The following LGI3 variants were observed in gnomAD, a reference collection of about 807,000 sequenced individuals.
The protein encoded by LGI3 is leucine rich repeat LGI family member 3.
Under a neutral mutation model 55.4 loss-of-function variants are expected in LGI3, and 47 were observed. The ratio of observed to expected loss-of-function variants is 0.85; its 90% confidence interval spans 0.67 to 1.08. The LOEUF (loss-of-function observed/expected upper bound fraction) is 1.08. Among genes scored for constraint, LGI3 ranks in the 50% least tolerant of loss-of-function variants. LGI3 has a pLI of 0.00. For missense variants in LGI3, 664 were observed against 726.3 expected (o/e 0.91, Z 0.99); for synonymous variants, 326 against 315.0 (o/e 1.04, Z -0.37).
chr8:22,150,604 C>T (rs1315870299), intron 7 of LGI3, among the ~76,000 whole-genome samples: 2 of 152,054 alleles, frequency 1.3e-5, no homozygotes, highest in East Asian at 1.9e-4. Flanking sequence ...GTGATCCACC[C>T]GCCTCGGCCT....
intron 5 of LGI3, 76 bp from the exon 6 acceptor site, chr8:22,152,076 G>A: frequency 7.9e-7 from 1 of 1,271,852 alleles, no homozygotes; most frequent in East Asian, 2.4e-5. Context: ...GGCCCTCCAG[G>A]TTTTCAGAAA....
In LGI3 at chr8:22,148,182, A is replaced by G. The variant is rs1326452148; in HGVS notation, c.1625T>C (p.Ile542Thr). 7 of 1,607,012 alleles carry G rather than the reference A, an allele frequency of 4.4e-6. No homozygotes were observed. The highest frequency in any genetic ancestry group is 5.1e-6 in the Non-Finnish European group (6 of 1,176,924). ...CCCCTAGGCACTGAGATCCACCACA[A>G]TGTGTCTATACACCAGCGTCTGTCC... is the stretch of plus-strand genomic sequence containing the variant. ...FKGQTLVYRH[I>T]VVDLSA The change falls in exon 8 of 8, where the codon ATT becomes ACT. Residue 542 changes from isoleucine (I) to threonine (T), a missense_variant. By Grantham distance (89) the Ile-to-Thr change is moderately conservative (BLOSUM62 -1). Transcript: ENST00000306317. The surrounding 1 kb of genome is among the most constrained non-coding windows in gnomAD (Gnocchi z 7.0).
rs1411213778 is a variant in LGI3 at position 22,156,727 on chromosome 8, G to A, written c.-185C>T. The A allele has an allele frequency of 4.7e-6, 1 of 214,482 alleles. No individual in the cohort carries two copies. Among genetic ancestry groups the A allele is most frequent in the Non-Finnish European group, 9.0e-6 (1 of 110,562 alleles). The allele number at this position is 214,482 out of a possible 1,614,324, so 13.3% of individuals were successfully genotyped here. A position where few individuals can be genotyped will look rare whatever the true frequency, so the allele number is the denominator to read the frequency against. On this transcript the variant is annotated 5_prime_UTR_variant, in exon 1 of 8. Transcript: ENST00000306317. The stretch of plus-strand genomic sequence containing the variant: ...GCGGTCCCCTCCCCTGCTCGCTCCC[G>A]CGATCCGGCTCGGGAGAGAAGAGCG...
chr8:22,155,669 G>A (rs1827481765), intron 1 of LGI3, among the ~76,000 whole-genome samples: 1 of 152,194 alleles, frequency 6.6e-6, no homozygotes, highest in Non-Finnish European at 1.5e-5. Flanking sequence ...ATTGCCTCTT[G>A]GGGCACCCAT....
At chr8:22,152,771 C>A (rs1158920419) in intron 5 of LGI3, among the ~76,000 whole-genome samples, 2 of 147,724 alleles carry the variant, frequency 1.4e-5, no homozygotes, top group African/African-American at 5.0e-5. Context: ...CACATGTTGG[C>A]CGCGCACAGT....
chr8:22,149,116 T>C (rs1035489479), intron 7 of LGI3, 139 bp from the exon 8 acceptor site: 30 of 617,996 alleles, frequency 4.9e-5, no homozygotes, highest in Non-Finnish European at 7.1e-5. Flanking sequence ...CACACTGAAG[T>C]TCATCCACTA....
intron 2 of LGI3, chr8:22,155,147 C>G: frequency 1.8e-6 from 1 of 549,262 alleles, no homozygotes; most frequent in Non-Finnish European, 3.3e-6. Flanking sequence ...GCAGCCAAGC[C>G]CATCCCCGCA....
Position 22,151,498 on chromosome 8 carries a change from T to C in LGI3, c.820A>G (p.Arg274Gly). 9 of 1,613,972 alleles carry C rather than the reference T, an allele frequency of 5.6e-6. No individual in the cohort carries two copies. The highest frequency in any genetic ancestry group is 7.6e-6 in the Non-Finnish European group (9 of 1,179,954). Residue 274 changes from arginine (R) to glycine (G), a missense_variant, in exon 7 of 8, where the codon AGA (arginine) becomes GGA (glycine). Transcript: ENST00000306317. Reference sequence around the variant, plus strand: ...GATTGGGCGCAGGTACCTGGGATTCTATCATAGTCTCGAAGCTGCCGCTCA... The same window carrying C: ...GATTGGGCGCAGGTACCTGGGATTCCATCATAGTCTCGAAGCTGCCGCTCA... The part of the protein sequence containing the change: ...YVERQLRDYD[R>G]IPAPSAVHCK...
chr8:22,149,427 A>T (rs1281818106), intron 7 of LGI3, among the ~76,000 whole-genome samples: 1 of 151,466 alleles, frequency 6.6e-6, no homozygotes, highest in Admixed American at 6.6e-5. Flanking sequence ...GACTTGCCCA[A>T]AGCTACCCCA....
intron 3 of LGI3, 146 bp from the exon 4 acceptor site, chr8:22,154,359 G>C: frequency 3.7e-6 from 3 of 803,718 alleles, no homozygotes; most frequent in Non-Finnish European, 6.4e-6. Flanking sequence ...CATAGAGATA[G>C]AGCATCAGGT....
Position 22,147,832 on chromosome 8 carries a change from C to T in LGI3, c.*328G>A, listed in dbSNP as rs1426163694. 3.9e-5 allele frequency: 11 copies of T among 284,024 alleles called. No individual in the cohort carries two copies. Among genetic ancestry groups the T allele is most frequent in the Non-Finnish European group, 4.6e-5 (7 of 150,760 alleles). The allele number at this position is 284,024 out of a possible 1,614,324, so 17.6% of individuals were successfully genotyped here. A position where few individuals can be genotyped will look rare whatever the true frequency, so the allele number is the denominator to read the frequency against. ...ACAAGGACAGGAGGATGCGGCCCCCCTCGCTCCCAGCACCCCGCACCACTC... is the reference window on the plus strand; with the variant it reads ...ACAAGGACAGGAGGATGCGGCCCCCTTCGCTCCCAGCACCCCGCACCACTC... On this transcript the variant is annotated 3_prime_UTR_variant, in exon 8 of 8. Coordinates refer to ENST00000306317, the MANE Select transcript of LGI3 (RefSeq NM_139278.4).
intron 6 of LGI3, 71 bp downstream of exon 6, chr8:22,151,760 G>T: frequency 6.4e-7 from 1 of 1,565,612 alleles, no homozygotes; most frequent in Non-Finnish European, 8.7e-7. Context: ...GGGCAGGGTG[G>T]GGGGTTTCGT....
In LGI3 at chr8:22,147,817, G is replaced by A. The variant is rs55839045; in HGVS notation, c.*343C>T. The A allele has an allele frequency of 9.3e-4, 238 of 257,132 alleles. No individual in the cohort carries two copies. The highest frequency in any genetic ancestry group is 1.4e-3 in the Non-Finnish European group (192 of 133,646). The allele number at this position is 257,132 out of a possible 1,614,324, so 15.9% of individuals were successfully genotyped here. A position where few individuals can be genotyped will look rare whatever the true frequency, so the allele number is the denominator to read the frequency against. ...GGCAGAAGGAGAAGCACAAGGACAG[G>A]AGGATGCGGCCCCCCTCGCTCCCAG... On this transcript the variant is annotated 3_prime_UTR_variant, in exon 8 of 8. Transcript: ENST00000306317.
Position 22,148,694 on chromosome 8 carries a change from G to T in LGI3, c.1113C>A (p.His371Gln). The change falls in exon 8 of 8, where the codon CAC becomes CAA. Residue 371 changes from histidine to glutamine, a missense_variant. Physicochemically the swap from His to Gln is conservative, Grantham distance 24. Transcript: ENST00000306317. This position sits in a 1 kb window ranked among gnomAD's most constrained non-coding sequence, Gnocchi z 7.0. ...CCAGGTCGGTGTCACGGTGCCAGGG[G>T]TGCAGTGCCTGGTGGGAGTAGAAGC... is the stretch of plus-strand genomic sequence containing the variant. ...QNGFYSHQAL[H>Q]PWHRDTDLEF... 1.2e-6 allele frequency: 2 copies of T among 1,614,138 alleles called. No homozygotes were observed. The highest frequency in any genetic ancestry group is 1.1e-5 in the South Asian group (1 of 91,082).
Position 22,147,733 on chromosome 8 carries a change from A to G in LGI3, c.*427T>C, listed in dbSNP as rs1162552979. ...AGCATGACAGATATGGCTGTGGGCT[A>G]CAGCGGGGAGCAAGAGCAGGTAAAC... is the stretch of plus-strand genomic sequence containing the variant. On this transcript the variant is annotated 3_prime_UTR_variant, in exon 8 of 8. Coordinates refer to ENST00000306317, the MANE Select transcript of LGI3 (RefSeq NM_139278.4). The G allele has an allele frequency of 5.6e-6, 1 of 177,612 alleles. No individual in the cohort carries two copies. Among genetic ancestry groups the G allele is most frequent in the African/African-American group, 2.4e-5 (1 of 41,928 alleles). 11.0% of individuals were successfully genotyped at this position (177,612 alleles called of 1,614,324 possible).
Position 22,155,330 on chromosome 8 carries a change from G to A in LGI3, c.278+62C>T, listed in dbSNP as rs1364475777. Reference sequence around the variant, plus strand: ...GTCCACTCTCCCTCTCCCCAGCCCAGGATTTGTCCCCTGCTACCACCCCAT... The same window carrying A: ...GTCCACTCTCCCTCTCCCCAGCCCAAGATTTGTCCCCTGCTACCACCCCAT... On this transcript the variant is annotated intron_variant, in intron 2 of 7. Transcript: ENST00000306317. The A allele has an allele frequency of 2.7e-6, 4 of 1,500,546 alleles. No homozygotes were observed. In the African/African-American group the frequency reaches 4.1e-5, roughly 15 times the overall value. The allele number at this position is 1,500,546 out of a possible 1,614,324, so 93.0% of individuals were successfully genotyped here. A position where few individuals can be genotyped will look rare whatever the true frequency, so the allele number is the denominator to read the frequency against.
Position 22,147,515 on chromosome 8 carries a change from C to G in LGI3, c.*645G>C, listed in dbSNP as rs922045295. 6.6e-6 allele frequency: 1 copy of G among 152,602 alleles called. No homozygotes were observed. Among genetic ancestry groups the G allele is most frequent in the African/African-American group, 2.4e-5 (1 of 41,378 alleles). 9.5% of individuals were successfully genotyped at this position (152,602 alleles called of 1,614,324 possible). On this transcript the variant is annotated 3_prime_UTR_variant, in exon 8 of 8. Coordinates refer to ENST00000306317, the MANE Select transcript of LGI3 (RefSeq NM_139278.4). Reference sequence around the variant, plus strand: ...GCTGGGGGTGAGCAGAGGGGGCCCCCTCCAAGCAGAGAGGCAAGGTAACAG... The same window carrying G: ...GCTGGGGGTGAGCAGAGGGGGCCCCGTCCAAGCAGAGAGGCAAGGTAACAG...
At chr8:22,154,665 G>C (rs762370413) in intron 2 of LGI3, 34 bp from the exon 3 acceptor site, 1 of 1,522,004 alleles carries the variant, frequency 6.6e-7, no homozygotes, top group East Asian at 2.3e-5. Context: ...GAGCTTCCAA[G>C]GGTGTGCCTG....
intron 2 of LGI3, 138 bp downstream of exon 2, chr8:22,155,254 T>C (rs998795670): frequency 2.5e-6 from 2 of 799,606 alleles, no homozygotes; most frequent in Non-Finnish European, 2.1e-6. Flanking sequence ...GTACATCCTA[T>C]CAGAACAAAA....
Sources: allele counts gnomAD v4.1 joint callset (sites outside exome capture counted in the v4.1 genomes callset), GRCh38; gene constraint gnomAD v4.1.1; non-coding constraint Gnocchi (gnomAD v3.1); transcripts MANE v1.5; gene names NCBI Gene and HGNC (gene_info 2026-07-23, HGNC 2026-07-21).